ZNF385D: variants seen among roughly 807,000 people sequenced by gnomAD.
ZNF385D encodes the protein zinc finger protein 385D.
ZNF385D carries 15 observed loss-of-function variants against 35.8 expected under a neutral mutation model. That is an observed-to-expected ratio of 0.42 (90% CI 0.28 to 0.64). The LOEUF is 0.64. Ranked by LOEUF, ZNF385D falls within the 30% of genes least tolerant of loss-of-function variation. The pLI is 0.23. For missense variants in ZNF385D, 474 were observed against 494.6 expected (o/e 0.96, Z 0.39); for synonymous variants, 212 against 186.8 (o/e 1.13, Z -1.10).
At chr3:21,906,806 T>C (rs770429016) in intron 3 of ZNF385D, among the ~76,000 whole-genome samples, 4 of 152,164 alleles carry the variant, frequency 2.6e-5, no homozygotes, top group Non-Finnish European at 5.9e-5. Context: ...CCAGGTGAGA[T>C]AACTTATTTT....
At chr3:21,949,775 C>A (rs2593325) in intron 3 of ZNF385D, among the ~76,000 whole-genome samples, 39,298 of 151,672 alleles carry the variant, frequency 0.26, 5,810 homozygotes, top group Admixed American at 0.41. Context: ...TCTCATTGTT[C>A]GACTCCCACT....
At chr3:21,970,772 A>C (rs1193045711) in intron 3 of ZNF385D, among the ~76,000 whole-genome samples, 1 of 152,116 alleles carries the variant, frequency 6.6e-6, no homozygotes, top group Non-Finnish European at 1.5e-5. Flanking sequence ...TTTGATAATC[A>C]AACTCCTAAA....
intron 3 of ZNF385D, among the ~76,000 whole-genome samples, chr3:21,522,791 A>G (rs1707993629): frequency 1.3e-5 from 2 of 152,198 alleles, no homozygotes; most frequent in Non-Finnish European, 1.5e-5. Flanking sequence ...TTTTGTGCTT[A>G]AAGTTTTCCT....
At chr3:21,701,585 A>G (rs1451360129) in intron 1 of ZNF385D, among the ~76,000 whole-genome samples, 1 of 152,248 alleles carries the variant, frequency 6.6e-6, no homozygotes, top group South Asian at 2.1e-4. Flanking sequence ...CAGTCCCCCA[A>G]AGTCTTAACT....
At chr3:21,820,659 C>G (rs939595823) in intron 3 of ZNF385D, among the ~76,000 whole-genome samples, 1 of 150,480 alleles carries the variant, frequency 6.6e-6, no homozygotes. Context: ...CTTGAGGAGA[C>G]TAATAAATTT....
At chr3:22,302,792 A>G (rs1403273789) in intron 2 of ZNF385D, among the ~76,000 whole-genome samples, 1 of 151,946 alleles carries the variant, frequency 6.6e-6, no homozygotes, top group Non-Finnish European at 1.5e-5. Flanking sequence ...AAGGCCTCAC[A>G]TGTCTTTCAT....
At chr3:21,880,048 G>T (rs781549258) in intron 3 of ZNF385D, among the ~76,000 whole-genome samples, 9 of 151,910 alleles carry the variant, frequency 5.9e-5, no homozygotes, top group Non-Finnish European at 1.3e-4. Context: ...AAAATACTAT[G>T]GGTATGCAAA....
intron 2 of ZNF385D, among the ~76,000 whole-genome samples, chr3:21,600,515 A>T (rs2064253746): frequency 6.6e-6 from 1 of 152,250 alleles, no homozygotes; most frequent in Non-Finnish European, 1.5e-5. Flanking sequence ...AACAAGAAAA[A>T]AACAGCTTTT....
chr3:22,074,135 G>C (rs1700358165), intron 3 of ZNF385D, among the ~76,000 whole-genome samples: 1 of 151,858 alleles, frequency 6.6e-6, no homozygotes. Flanking sequence ...GTAAGATGAA[G>C]ACATCTAGAG....
intron 5 of ZNF385D, among the ~76,000 whole-genome samples, chr3:21,434,173 G>A (rs531953466): frequency 6.6e-6 from 1 of 152,266 alleles, no homozygotes; most frequent in South Asian, 2.1e-4. Context: ...AAGTCTAACA[G>A]TTTCATTTGG....
intron 2 of ZNF385D, among the ~76,000 whole-genome samples, chr3:22,307,077 A>G (rs1216799687): frequency 6.6e-6 from 1 of 152,166 alleles, no homozygotes; most frequent in Admixed American, 6.6e-5. Flanking sequence ...TATTCCTCTG[A>G]AAACTAGGGT....
At chr3:21,813,359 T>C (rs1220303848) in intron 3 of ZNF385D, among the ~76,000 whole-genome samples, 1 of 152,112 alleles carries the variant, frequency 6.6e-6, no homozygotes, top group Admixed American at 6.5e-5. Flanking sequence ...CTTTGACGAG[T>C]TGACAGAAGT....
chr3:21,696,745 A>G (rs1179786572), intron 1 of ZNF385D, among the ~76,000 whole-genome samples: 1 of 152,236 alleles, frequency 6.6e-6, no homozygotes, highest in Non-Finnish European at 1.5e-5. Flanking sequence ...TAGCTTCTAC[A>G]AAACAGTGCT....
chr3:22,231,626 T>C (rs1286431418), intron 2 of ZNF385D, among the ~76,000 whole-genome samples: 1 of 152,060 alleles, frequency 6.6e-6, no homozygotes, highest in Non-Finnish European at 1.5e-5. Flanking sequence ...TGCTATGAGA[T>C]CCTTTTCTGT....
At chr3:22,319,513 T>A (rs1366461831) in intron 2 of ZNF385D, among the ~76,000 whole-genome samples, 1 of 152,120 alleles carries the variant, frequency 6.6e-6, no homozygotes, top group Non-Finnish European at 1.5e-5. Flanking sequence ...AATGCCCGTA[T>A]TGGACACTAG....
At chr3:22,039,835 C>G (rs568942536) in intron 3 of ZNF385D, among the ~76,000 whole-genome samples, 1 of 152,228 alleles carries the variant, frequency 6.6e-6, no homozygotes, top group South Asian at 2.1e-4. Context: ...TTCAGTACCA[C>G]TCTTCATCCT....
At chr3:22,159,775 AGT>A (rs1178279750) in intron 3 of ZNF385D, among the ~76,000 whole-genome samples, 2 of 152,124 alleles carry the variant, frequency 1.3e-5, no homozygotes, top group Non-Finnish European at 2.9e-5. Context: ...ACAAGAATAC[AGT>A]GTCTTATTAT....
chr3:22,139,509 G>T (rs536404664), intron 3 of ZNF385D, among the ~76,000 whole-genome samples: 3 of 151,648 alleles, frequency 2.0e-5, no homozygotes, highest in Admixed American at 6.6e-5. Context: ...GCAAACTATT[G>T]CAAGGACAAC....
intron 3 of ZNF385D, among the ~76,000 whole-genome samples, chr3:21,774,483 T>G (rs1055994405): frequency 4.0e-5 from 6 of 151,798 alleles, no homozygotes; most frequent in Non-Finnish European, 7.4e-5. Context: ...GAAGACATCT[T>G]TAAAAATGGA....
Sources: gnomAD v4.1 joint callset for allele counts (sites outside exome capture counted in the v4.1 genomes callset) on GRCh38, gnomAD v4.1.1 for gene constraint, MANE v1.5 for transcripts, NCBI Gene and HGNC (gene_info 2026-07-23, HGNC 2026-07-21) for gene names.